GPSM1: variants seen among roughly 807,000 people sequenced by gnomAD.
GPSM1 encodes the protein G protein-signaling modulator 1.
Under a neutral mutation model 70.5 loss-of-function variants are expected in GPSM1, and 48 were observed. The observed-to-expected ratio is 0.68, with a 90% CI of 0.54 to 0.87. GPSM1 has a LOEUF of 0.87. Ranked by LOEUF, GPSM1 falls within the 40% of genes least tolerant of loss-of-function variation. The pLI is 0.00. For synonymous variants in GPSM1, 416 were observed against 430.1 expected (o/e 0.97, Z 0.41); for missense variants, 981 against 972.6 (o/e 1.01, Z -0.11).
Position 136,340,932 on chromosome 9 carries a change from C to G in GPSM1, c.1146C>G (p.Leu382=), listed in dbSNP as rs368420506. 2.6e-6 allele frequency: 4 copies of G among 1,567,614 alleles called. No homozygotes were observed. In the South Asian group the frequency reaches 4.7e-5, roughly 18 times the overall value. Residue 382 remains leucine (L), a synonymous_variant, in exon 9 of 14, where the codon CTC becomes CTG. Coordinates refer to ENST00000440944, the MANE Select transcript of GPSM1 (RefSeq NM_001145638.3). The surrounding 1 kb of genome is among the most constrained non-coding windows in gnomAD (Gnocchi z 7.3). The part of the protein sequence containing the change: ...RMNVAQLQLV[L]GRLTSPAASE... The stretch of plus-strand genomic sequence containing the variant: ...ACGTGGCGCAGCTGCAGCTGGTGCT[C>G]GGCCGCCTGACCAGCCCGGCAGCCT...
At chr9:136,335,435 G>T (rs756232568) in intron 2 of GPSM1, among the ~76,000 whole-genome samples, 1 of 151,982 alleles carries the variant, frequency 6.6e-6, no homozygotes, top group Non-Finnish European at 1.5e-5. Context: ...CCTGCCCAGC[G>T]CCCTCCCCCT....
chr9:136,354,872 A>C (rs1832771938), intron 11 of GPSM1: 1 of 1,013,374 alleles, frequency 9.9e-7, no homozygotes, highest in Middle Eastern at 4.9e-4. Context: ...GGGCACAGGG[A>C]CAGGAGGCAC....
intron 11 of GPSM1, among the ~76,000 whole-genome samples, chr9:136,350,916 G>A (rs1394433269): frequency 1.3e-5 from 2 of 152,102 alleles, no homozygotes; most frequent in African/African-American, 2.4e-5. Flanking sequence ...GGGGACAGGT[G>A]ACAGGCCGGG....
Position 136,342,759 on chromosome 9 carries a change from G to A in GPSM1, c.1207+1766G>A, listed in dbSNP as rs552427674. Among the ~76,000 whole-genome samples the A allele has an allele frequency of 2.6e-5, 4 of 152,150 alleles. No homozygotes were observed. Among genetic ancestry groups the A allele is most frequent in the African/African-American group, 9.6e-5 (4 of 41,518 alleles). Reference sequence around the variant, plus strand: ...AGGGCGGGGTGGATCTGCGAGCTGCGGGAGGGGAGGGGGGTGCAGAGCCGC... The same window carrying A: ...AGGGCGGGGTGGATCTGCGAGCTGCAGGAGGGGAGGGGGGTGCAGAGCCGC... On this transcript the variant is annotated intron_variant, in intron 9 of 13. Transcript: ENST00000440944. The surrounding 1 kb of genome is among the most constrained non-coding windows in gnomAD (Gnocchi z 5.5).
chr9:136,351,950 C>T (rs1244315058), intron 11 of GPSM1, among the ~76,000 whole-genome samples: 2 of 97,068 alleles, frequency 2.1e-5, no homozygotes, highest in Non-Finnish European at 4.4e-5. Context: ...ATCCCTGGGG[C>T]GTCAGTGGCC....
rs78403475 is a variant in GPSM1 at position 136,341,149 on chromosome 9, G to C, written c.1207+156G>C. 0.097 allele frequency: 150,055 copies of C among 1,549,746 alleles called. 7,707 individuals are homozygous for C. Among genetic ancestry groups the C allele is most frequent in the East Asian group, 0.13 (5,449 of 40,914 alleles). ...CCAGTTCTTCTTGGCCTCAGGGACA[G>C]CACAGGCCTGAGGTTCACCCTGAGC... On this transcript the variant is annotated intron_variant, in intron 9 of 13. Coordinates refer to ENST00000440944, the MANE Select transcript of GPSM1 (RefSeq NM_001145638.3). This position sits in a 1 kb window ranked among gnomAD's most constrained non-coding sequence, Gnocchi z 6.7.
At chr9:136,348,306 G>C (rs1434726513) in intron 9 of GPSM1, among the ~76,000 whole-genome samples, 1 of 152,180 alleles carries the variant, frequency 6.6e-6, no homozygotes, top group Non-Finnish European at 1.5e-5. Context: ...ACCCTCAGGA[G>C]GGGGGATTGG....
At chr9:136,345,628 G>C (rs782747106) in intron 9 of GPSM1, among the ~76,000 whole-genome samples, 3 of 152,192 alleles carry the variant, frequency 2.0e-5, no homozygotes, top group Non-Finnish European at 2.9e-5. Flanking sequence ...CGGAGGATGC[G>C]GTGGGGAAAC....
rs1035017048 is a variant in GPSM1 at position 136,341,496 on chromosome 9, C to T, written c.1207+503C>T. ...TCATGGACCGCTGGTCGTCCCATGC[C>T]GGTCAGCAGTGCTGCAGACACAGGA... On this transcript the variant is annotated intron_variant, in intron 9 of 13. Transcript: ENST00000440944. This position sits in a 1 kb window ranked among gnomAD's most constrained non-coding sequence, Gnocchi z 6.7. The T allele has an allele frequency of 4.7e-5, 59 of 1,255,602 alleles. No homozygotes were observed. The highest frequency in any genetic ancestry group is 6.0e-5 in the South Asian group (3 of 49,968). 77.8% of individuals were successfully genotyped at this position (1,255,602 alleles called of 1,614,324 possible). A position where few individuals can be genotyped will look rare whatever the true frequency, so the allele number is the denominator to read the frequency against.
At chr9:136,331,729 C>A (rs1307680265) in intron 1 of GPSM1, among the ~76,000 whole-genome samples, 2 of 152,204 alleles carry the variant, frequency 1.3e-5, no homozygotes, top group African/African-American at 4.8e-5. Context: ...GGTCCCAGTC[C>A]CTGGAGGAGC....
Position 136,340,900 on chromosome 9 carries a change from C to A in GPSM1, c.1114C>A (p.Arg372Ser). The change falls in exon 9 of 14, where the codon CGC becomes AGC. Residue 372 changes from arginine (R) to serine (S), a missense_variant. Physicochemically the swap from Arg to Ser is moderately radical, Grantham distance 110. Transcript: ENST00000440944. This position sits in a 1 kb window ranked among gnomAD's most constrained non-coding sequence, Gnocchi z 7.3. ...IGDRHGELTA[R>S]MNVAQLQLVL... ...GGACCGCCATGGGGAGCTCACGGCC[C>A]GCATGAACGTGGCGCAGCTGCAGCT... 6.3e-7 allele frequency: 1 copy of A among 1,575,882 alleles called. No homozygotes were observed. Among genetic ancestry groups the A allele is most frequent in the Middle Eastern group, 2.0e-4 (1 of 5,002 alleles).
chr9:136,334,187 T>C (rs1832170338), intron 1 of GPSM1, among the ~76,000 whole-genome samples: 1 of 152,268 alleles, frequency 6.6e-6, no homozygotes, highest in African/African-American at 2.4e-5. Flanking sequence ...ACTCACACCT[T>C]TGCCCCAGTG....
At chr9:136,345,157 C>T (rs555765654) in intron 9 of GPSM1, among the ~76,000 whole-genome samples, 9 of 152,244 alleles carry the variant, frequency 5.9e-5, no homozygotes, top group Non-Finnish European at 8.8e-5. Context: ...CCTGAGGGGT[C>T]CGGCAGGCAC....
At chr9:136,328,485 G>A (rs548014783) in intron 1 of GPSM1, among the ~76,000 whole-genome samples, 15 of 152,320 alleles carry the variant, frequency 9.8e-5, no homozygotes, top group South Asian at 4.1e-4. Flanking sequence ...GGTGGCAGCC[G>A]TCAGAGGCAG....
At chr9:136,339,590 G>A (rs1333990627) in intron 7 of GPSM1, 117 bp from the exon 8 acceptor site, 2 of 684,096 alleles carry the variant, frequency 2.9e-6, no homozygotes, top group Non-Finnish European at 5.1e-6. Flanking sequence ...GGGCCTGGGG[G>A]CCCCTGATGA....
chr9:136,328,505 C>T (rs1366692097), intron 1 of GPSM1, among the ~76,000 whole-genome samples: 1 of 152,178 alleles, frequency 6.6e-6, no homozygotes, highest in African/African-American at 2.4e-5. Flanking sequence ...GGCCTGGCTC[C>T]CCAGAGCGAG....
Position 136,356,561 on chromosome 9 carries a change from G to A in GPSM1, c.1821+11G>A. On this transcript the variant is annotated intron_variant, in intron 13 of 13. Transcript: ENST00000440944. ...CTCATCAAGTACCAGGTGGGCTGCG[G>A]CCCTGGGCGGGCGTGGCTCGCGGCC... is the stretch of plus-strand genomic sequence containing the variant. 1 of 1,593,916 alleles carries A rather than the reference G, an allele frequency of 6.3e-7. No individual in the cohort carries two copies. The highest frequency in any genetic ancestry group is 8.6e-7 in the Non-Finnish European group (1 of 1,165,350).
intron 11 of GPSM1, chr9:136,354,701 CCA>C (rs1832765623): frequency 2.1e-6 from 1 of 483,840 alleles, no homozygotes. Context: ...CCTTGGGGGG[CCA>C]CAGGAGACCA....
intron 13 of GPSM1, among the ~76,000 whole-genome samples, chr9:136,357,085 G>A (rs982686197): frequency 1.3e-5 from 2 of 152,178 alleles, no homozygotes; most frequent in African/African-American, 2.4e-5. Flanking sequence ...TGGCAGCCAC[G>A]CCAGGAATGA....
Sources: gnomAD v4.1 joint callset for allele counts (sites outside exome capture counted in the v4.1 genomes callset) on GRCh38, gnomAD v4.1.1 for gene constraint, Gnocchi (gnomAD v3.1) non-coding constraint, MANE v1.5 for transcripts, NCBI Gene and HGNC (gene_info 2026-07-23, HGNC 2026-07-21) for gene names.